Variants in CORIN observed in about 807,000 individuals in gnomAD.
CORIN encodes the protein corin, serine peptidase.
CORIN carries 117 observed loss-of-function variants against 125.3 expected under a neutral mutation model. The ratio of observed to expected loss-of-function variants is 0.93; its 90% CI spans 0.80 to 1.09. The LOEUF is 1.09. Ranked by LOEUF, CORIN falls within the 50% of genes least tolerant of loss-of-function variation. The pLI is 0.00. For synonymous variants in CORIN, 450 were observed against 466.4 expected (o/e 0.96, Z 0.45); for missense variants, 1,253 against 1,306.7 (o/e 0.96, Z 0.63).
Position 47,645,134 on chromosome 4 carries a change from A to G in CORIN, c.1904T>C (p.Val635Ala), listed in dbSNP as rs1489091602. 1 of 1,613,376 alleles carries G rather than the reference A, an allele frequency of 6.2e-7. No homozygotes were observed. The highest frequency in any genetic ancestry group is 8.5e-7 in the Non-Finnish European group (1 of 1,179,602). The change falls in exon 14 of 22, where the codon GTG becomes GCG. Residue 635 changes from valine to alanine, a missense_variant. Val to Ala is a moderately conservative substitution (Grantham distance 64). Coordinates refer to ENST00000273857, the MANE Select transcript of CORIN (RefSeq NM_006587.4). ...GCAGTCTGGGAACCCATCGCAGATC[A>G]CTGTGTGCTTCAAACATTGTTTATT... Reference protein sequence around the residue: ...PSNKQCLKHTVICDGFPDCPD... With the variant: ...PSNKQCLKHTAICDGFPDCPD...
chr4:47,743,615 G>A (rs928199861), intron 5 of CORIN, among the ~76,000 whole-genome samples: 10 of 152,154 alleles, frequency 6.6e-5, no homozygotes, highest in African/African-American at 1.2e-4. Context: ...GGCTGGGAAC[G>A]GTGACTCATG....
At chr4:47,835,242 C>T (rs919773131) in intron 1 of CORIN, among the ~76,000 whole-genome samples, 4 of 152,212 alleles carry the variant, frequency 2.6e-5, no homozygotes, top group Non-Finnish European at 5.9e-5. Flanking sequence ...CAGCCAGCCT[C>T]ATTTTCCATT....
chr4:47,805,329 C>G (rs1731745879), intron 2 of CORIN, among the ~76,000 whole-genome samples: 1 of 151,776 alleles, frequency 6.6e-6, no homozygotes, highest in Non-Finnish European at 1.5e-5. Flanking sequence ...AATATATACA[C>G]CCACTATGTA....
intron 5 of CORIN, among the ~76,000 whole-genome samples, chr4:47,723,614 T>C (rs1156629584): frequency 1.3e-5 from 2 of 152,086 alleles, no homozygotes; most frequent in Admixed American, 6.6e-5. Context: ...CAAACAAAAT[T>C]AGCATTTTCC....
chr4:47,731,618 C>G (rs944977164), intron 5 of CORIN, among the ~76,000 whole-genome samples: 4 of 152,108 alleles, frequency 2.6e-5, no homozygotes, highest in African/African-American at 4.8e-5. Context: ...CGCCTGTAAA[C>G]CCAGTACTTT....
At chr4:47,673,200 A>C (rs1157006581) in intron 10 of CORIN, among the ~76,000 whole-genome samples, 1 of 146,944 alleles carries the variant, frequency 6.8e-6, no homozygotes, top group Admixed American at 6.7e-5. Context: ...ATAAATAAAT[A>C]AATAAATAAA....
chr4:47,806,466 T>C (rs1191070371), intron 2 of CORIN, among the ~76,000 whole-genome samples: 1 of 152,232 alleles, frequency 6.6e-6, no homozygotes, highest in Non-Finnish European at 1.5e-5. Flanking sequence ...CCTAAATTTC[T>C]ATTAACTTAA....
intron 16 of CORIN, among the ~76,000 whole-genome samples, chr4:47,640,201 T>G (rs558442558): frequency 3.3e-5 from 5 of 152,310 alleles, no homozygotes; most frequent in African/African-American, 9.6e-5. Context: ...ATGGAGTACA[T>G]AATTTTTTAA....
At chr4:47,640,244 G>A (rs1430267992) in intron 16 of CORIN, among the ~76,000 whole-genome samples, 4 of 152,068 alleles carry the variant, frequency 2.6e-5, no homozygotes, top group Non-Finnish European at 4.4e-5. Flanking sequence ...CCAAAGGTGG[G>A]AATAATCCAA....
At chr4:47,733,156 G>A (rs973316191) in intron 5 of CORIN, among the ~76,000 whole-genome samples, 2 of 151,348 alleles carry the variant, frequency 1.3e-5, no homozygotes, top group African/African-American at 4.9e-5. Flanking sequence ...AAATAAAGAA[G>A]TTATCTGAAA....
intron 6 of CORIN, 42 bp from the exon 7 acceptor site, chr4:47,683,880 C>G (rs1434152916): frequency 1.4e-6 from 2 of 1,426,014 alleles, no homozygotes; most frequent in African/African-American, 1.4e-5. Flanking sequence ...CAGAGCCATA[C>G]AGAATGCTAT....
In CORIN at chr4:47,761,480, TACAC is replaced by T. The variant is rs142904418; in HGVS notation, c.617+1895_617+1898del. ...CAATGAATGCATAAAGAAAATGTGA[TACAC>T]ACACACACACACACACACACACACA... On this transcript the variant is annotated intron_variant, in intron 4 of 21. Coordinates refer to ENST00000273857, the MANE Select transcript of CORIN (RefSeq NM_006587.4). Among the ~76,000 whole-genome samples, 703 of 144,474 alleles carry T rather than the reference TACAC, an allele frequency of 4.9e-3. 8 individuals are homozygous for T. The highest frequency in any genetic ancestry group is 0.017 in the African/African-American group (673 of 39,368). The allele number at this position is 144,474 out of a possible 152,430, so 94.8% of individuals were successfully genotyped here. A position where few individuals can be genotyped will look rare whatever the true frequency, so the allele number is the denominator to read the frequency against.
intron 5 of CORIN, among the ~76,000 whole-genome samples, chr4:47,696,655 G>A (rs1289079786): frequency 6.6e-6 from 1 of 152,130 alleles, no homozygotes; most frequent in Non-Finnish European, 1.5e-5. Flanking sequence ...TCCAGATGAT[G>A]GGGACAATTA....
At chr4:47,686,384 A>G (rs911710851) in intron 6 of CORIN, among the ~76,000 whole-genome samples, 1 of 152,092 alleles carries the variant, frequency 6.6e-6, no homozygotes, top group African/African-American at 2.4e-5. Flanking sequence ...ATAATTTTCA[A>G]ATAAGGACAG....
At chr4:47,622,803 G>A (rs1722375675) in intron 19 of CORIN, among the ~76,000 whole-genome samples, 1 of 152,030 alleles carries the variant, frequency 6.6e-6, no homozygotes, top group Admixed American at 6.6e-5. Context: ...TCAGGTTTTG[G>A]ATTCACCAAG....
chr4:47,723,223 A>G (rs1727435917), intron 5 of CORIN, among the ~76,000 whole-genome samples: 1 of 152,230 alleles, frequency 6.6e-6, no homozygotes, highest in Non-Finnish European at 1.5e-5. Flanking sequence ...GGCTAAAACT[A>G]GAGCTTTTTT....
intron 1 of CORIN, chr4:47,831,603 T>G (rs1400232280): frequency 6.6e-6 from 1 of 152,172 alleles, no homozygotes; most frequent in Non-Finnish European, 1.5e-5. Flanking sequence ...TCCATGAGAA[T>G]AATAAACATT....
intron 5 of CORIN, among the ~76,000 whole-genome samples, chr4:47,736,127 A>C (rs1213299695): frequency 6.6e-6 from 1 of 152,120 alleles, no homozygotes; most frequent in African/African-American, 2.4e-5. Flanking sequence ...TGAAGACTGT[A>C]AGCATTCTTA....
intron 5 of CORIN, among the ~76,000 whole-genome samples, chr4:47,735,965 AG>A (rs1281244200): frequency 6.7e-6 from 1 of 149,970 alleles, no homozygotes; most frequent in Non-Finnish European, 1.5e-5. Flanking sequence ...AAAAAAAAAA[AG>A]AGGATACTAA....
Sources: gnomAD v4.1 joint callset for allele counts (sites outside exome capture counted in the v4.1 genomes callset) on GRCh38, gnomAD v4.1.1 for gene constraint, MANE v1.5 for transcripts, NCBI Gene and HGNC (gene_info 2026-07-23, HGNC 2026-07-21) for gene names.